The following RBPJ variants were observed in gnomAD, a reference collection of about 807,000 sequenced individuals.
RBPJ encodes recombination signal binding protein for immunoglobulin kappa J region.
RBPJ carries 9 observed loss-of-function variants against 67.8 expected under a neutral mutation model. The observed-to-expected ratio is 0.13, with a 90% CI of 0.08 to 0.23. The LOEUF (loss-of-function observed/expected upper bound fraction) is 0.23. Ranked by LOEUF, RBPJ falls within the 10% of genes least tolerant of loss-of-function variation. RBPJ has a pLI of 1.00. For synonymous variants in RBPJ, 198 were observed against 203.3 expected, an observed-to-expected ratio of 0.97 and a Z score of 0.22; for missense variants, 305 against 595.6, an observed-to-expected ratio of 0.51 and a Z score of 5.08.
chr4:26,173,657 T>C (rs1716688614), intron 1 of RBPJ, among the ~76,000 whole-genome samples: 1 of 152,194 alleles, frequency 6.6e-6, no homozygotes, highest in South Asian at 2.1e-4. Context: ...AAATAAACTT[T>C]TGTGGGCTGG....
intron 1 of RBPJ, among the ~76,000 whole-genome samples, chr4:26,346,580 G>A (rs1726173938): frequency 6.6e-6 from 1 of 152,188 alleles, no homozygotes; most frequent in Non-Finnish European, 1.5e-5. Context: ...TGTGAGAAAG[G>A]AAAATGATTT....
At chr4:26,416,161 C>T (rs563502681) in intron 4 of RBPJ, among the ~76,000 whole-genome samples, 6 of 152,216 alleles carry the variant, frequency 3.9e-5, no homozygotes, top group East Asian at 3.9e-4. Flanking sequence ...AATTTTAGTG[C>T]GTGGCAGGGG....
chr4:26,152,220 G>C, the RBPJ span, among the ~76,000 whole-genome samples: 3 of 152,188 alleles, frequency 2.0e-5, no homozygotes, highest in African/African-American at 7.2e-5. Context: ...GTGGCTATGG[G>C]ACTTGTGTTG....
intron 1 of RBPJ, among the ~76,000 whole-genome samples, chr4:26,335,250 C>T (rs1577460651): frequency 2.0e-5 from 3 of 152,154 alleles, no homozygotes; most frequent in Non-Finnish European, 2.9e-5. Context: ...GGCGTGATCT[C>T]GGCTCACTGG....
At chr4:26,316,823 A>C (rs1722663324), upstream of RBPJ, among the ~76,000 whole-genome samples, 8 of 86,260 alleles carry the variant, frequency 9.3e-5, no homozygotes, top group Admixed American at 3.0e-4. Flanking sequence ...TCTAACCCAG[A>C]CGACTTTTTT....
intron 1 of RBPJ, among the ~76,000 whole-genome samples, chr4:26,203,717 A>G (rs930703962): frequency 6.6e-6 from 1 of 152,134 alleles, no homozygotes. Flanking sequence ...TACCCCCAAC[A>G]TGCTTTCATC....
Position 26,373,915 on chromosome 4 carries a change from CTTTTTTTTTT to C in RBPJ, c.21-12427_21-12418del, listed in dbSNP as rs765161799. 5.2e-3 allele frequency among the ~76,000 whole-genome samples: 587 copies of C among 113,296 alleles called. 6 individuals are homozygous for C. The highest frequency in any genetic ancestry group is 0.018 in the African/African-American group (536 of 30,448). 74.3% of individuals were successfully genotyped at this position (113,296 alleles called of 152,430 possible). ...TTTGTGTTTACAGCTTTATTTTTTA[CTTTTTTTTTT>C]TTTTTTTTTTGGAGATGGAGTCTTG... On this transcript the variant is annotated intron_variant, in intron 1 of 10. Coordinates refer to ENST00000355476, the MANE Select transcript of RBPJ (RefSeq NM_015874.6).
chr4:26,285,583 C>T (rs1016250736), intron 1 of RBPJ, among the ~76,000 whole-genome samples: 1 of 144,596 alleles, frequency 6.9e-6, no homozygotes, highest in East Asian at 2.1e-4. Context: ...GGAGACAAAA[C>T]ATTGGTATCA....
rs1201349122 is a variant in RBPJ, at chr4:26,167,453, T to G, written c.-167+3839T>G. Among the ~76,000 whole-genome samples the G allele has an allele frequency of 3.3e-3, 491 of 147,338 alleles. 5 individuals are homozygous for G. The highest frequency in any genetic ancestry group is 7.5e-3 in the East Asian group (38 of 5,070). On this transcript the variant is annotated intron_variant, in intron 1 of 4. Transcript: ENST00000512351. ...TCACGTCCCTTGTAAGTTGGATTCCTAAGTATTTTATTCTCTTTGAAGCAA... is the reference window on the plus strand; with the variant it reads ...TCACGTCCCTTGTAAGTTGGATTCCGAAGTATTTTATTCTCTTTGAAGCAA...
intron 2 of RBPJ, among the ~76,000 whole-genome samples, chr4:26,389,997 A>C (rs986148897): frequency 6.6e-6 from 1 of 152,242 alleles, no homozygotes; most frequent in African/African-American, 2.4e-5. Context: ...AAGAAAATGA[A>C]ATTACTGTCC....
At chr4:26,298,712 T>G (rs1036545327) in intron 1 of RBPJ, among the ~76,000 whole-genome samples, 3 of 152,182 alleles carry the variant, frequency 2.0e-5, no homozygotes, top group African/African-American at 7.2e-5. Flanking sequence ...CACATTAGTT[T>G]GGTATTATTA....
At chr4:26,143,548 G>T in the RBPJ span, among the ~76,000 whole-genome samples, 1 of 152,222 alleles carries the variant, frequency 6.6e-6, no homozygotes, top group South Asian at 2.1e-4. Context: ...AGAAATTACA[G>T]AATCATGAGT....
At chr4:26,318,839 T>C (rs1193710622), upstream of RBPJ, among the ~76,000 whole-genome samples, 1 of 150,676 alleles carries the variant, frequency 6.6e-6, no homozygotes, top group Admixed American at 6.6e-5. Context: ...TACTAAAAAA[T>C]AGAAAAAATT....
At chr4:26,387,771 A>G (rs1731071193) in intron 2 of RBPJ, among the ~76,000 whole-genome samples, 2 of 152,318 alleles carry the variant, frequency 1.3e-5, no homozygotes, top group East Asian at 3.9e-4. Flanking sequence ...CAGAGGAAAC[A>G]ATTTCTAAAG....
At position 26,305,771 on chromosome 4, in the gene RBPJ, C is replaced by CTTT. The variant is rs71276617; in HGVS notation, c.-166-56654_-166-56652dup. 1.4e-3 allele frequency among the ~76,000 whole-genome samples: 92 copies of CTTT among 67,770 alleles called. 6 individuals carry two copies. Among genetic ancestry groups the CTTT allele is most frequent in the African/African-American group, 1.9e-3 (28 of 14,992 alleles). 44.5% of individuals were successfully genotyped at this position (67,770 alleles called of 152,430 possible). On this transcript the variant is annotated intron_variant, in intron 1 of 4. Coordinates refer to the RBPJ transcript ENST00000512351. ...AGTGGAGTTCTTAGAATTTTCTTTT[C>CTTT]TTTTTTTTTTTTTTTTTTTTTTTCT...
intron 1 of RBPJ, among the ~76,000 whole-genome samples, chr4:26,188,698 A>G (rs567007898): frequency 3.3e-5 from 5 of 152,368 alleles, no homozygotes; most frequent in Non-Finnish European, 5.9e-5. Flanking sequence ...CAAATCAGTC[A>G]GCCAAATTAG....
chr4:26,164,945 A>C (rs892841883), intron 1 of RBPJ, among the ~76,000 whole-genome samples: 2 of 152,198 alleles, frequency 1.3e-5, no homozygotes, highest in Non-Finnish European at 2.9e-5. Context: ...TGCATAACTT[A>C]GACAAATGTC....
At chr4:26,266,316 A>G (rs767607545) in intron 1 of RBPJ, among the ~76,000 whole-genome samples, 1 of 152,212 alleles carries the variant, frequency 6.6e-6, no homozygotes, top group Non-Finnish European at 1.5e-5. Flanking sequence ...GGCTTACTTA[A>G]TTTATATTTT....
rs1056474984 is a variant in RBPJ at position 26,240,754 on chromosome 4, CAGA to C, written c.-167+77144_-167+77146del. Reference sequence around the variant, plus strand: ...TGATTTTCTTCTTGAAATTTTCACACAGAAGATGTGAAAAGGTTTTGGACTCTC... The same window carrying C: ...TGATTTTCTTCTTGAAATTTTCACACAGATGTGAAAAGGTTTTGGACTCTC... On this transcript the variant is annotated intron_variant, in intron 1 of 4. Coordinates refer to the RBPJ transcript ENST00000512351. Among the ~76,000 whole-genome samples, 63 of 152,114 alleles carry C rather than the reference CAGA, an allele frequency of 4.1e-4. 1 individual carries two copies. Among genetic ancestry groups the C allele is most frequent in the Non-Finnish European group, 7.6e-4 (52 of 68,026 alleles).
Sources: gnomAD v4.1 joint callset for allele counts (sites outside exome capture counted in the v4.1 genomes callset) on GRCh38, gnomAD v4.1.1 for gene constraint, MANE v1.5 for transcripts, NCBI Gene and HGNC (gene_info 2026-07-23, HGNC 2026-07-21) for gene names.